The following KDF1 variants were observed in gnomAD, a reference collection of about 807,000 sequenced individuals.
KDF1 encodes the protein RP11-344H11.3.
A neutral mutation model predicts 31.6 loss-of-function variants in KDF1; 11 were observed. That is an observed-to-expected ratio of 0.35 (90% CI 0.22 to 0.58). KDF1 has a LOEUF of 0.58. KDF1 is among the 20% of genes least tolerant of loss of function. The pLI is 0.83. For synonymous variants in KDF1, 205 were observed against 214.4 expected, an observed-to-expected ratio of 0.96 and a Z score of 0.38; for missense variants, 476 against 549.1, an observed-to-expected ratio of 0.87 and a Z score of 1.33.
rs1342915212 is a variant in KDF1, at chr1:26,951,012, A to G, written c.1040-256T>C. Among the ~76,000 whole-genome samples, 1 of 152,216 alleles carries G rather than the reference A, an allele frequency of 6.6e-6. No homozygotes were observed. Among genetic ancestry groups the G allele is most frequent in the Non-Finnish European group, 1.5e-5 (1 of 68,038 alleles). ...AGGTCCTGTTCACCAGACCAGGCCT[A>G]GAAGCTACTCTGGCAGGAGACAGCA... On this transcript the variant is annotated intron_variant, in intron 2 of 3. Transcript: ENST00000320567. The surrounding 1 kb of genome is among the most constrained non-coding windows in gnomAD (Gnocchi z 5.4).
In KDF1 at chr1:26,951,926, T is replaced by A. The variant is rs564540710; in HGVS notation, c.455A>T (p.Lys152Met). The A allele has an allele frequency of 6.2e-7, 1 of 1,605,270 alleles. No individual in the cohort carries two copies. The highest frequency in any genetic ancestry group is 1.7e-5 in the Admixed American group (1 of 59,640). ...GCTGAAGCTGCTGCCCATGGTTGAC[T>A]TGAGCCGCTGGCCATCCCGCCGGCT... is the stretch of plus-strand genomic sequence containing the variant. ...PPSRRDGQRL[K>M]STMGSSFSYP... The change falls in exon 2 of 4, where the codon AAG (lysine) becomes ATG (methionine). Residue 152 changes from lysine (K) to methionine (M), a missense_variant. Physicochemically the swap from Lys to Met is moderately conservative, Grantham distance 95. Transcript: ENST00000320567. The surrounding 1 kb of genome is among the most constrained non-coding windows in gnomAD (Gnocchi z 5.4).
intron 1 of KDF1, among the ~76,000 whole-genome samples, chr1:26,955,239 C>G (rs2082372693): frequency 6.6e-6 from 1 of 152,136 alleles, no homozygotes; most frequent in Non-Finnish European, 1.5e-5. Flanking sequence ...CCAGTTTCTT[C>G]CTGCTGTTGG....
Position 26,952,046 on chromosome 1 carries a change from C to A in KDF1, c.335G>T (p.Cys112Phe), listed in dbSNP as rs1418453799. The change falls in exon 2 of 4, where the codon TGC becomes TTC. Residue 112 changes from cysteine (C) to phenylalanine (F), a missense_variant. Physicochemically the swap from Cys to Phe is radical, Grantham distance 205 (BLOSUM62 -2). This residue lies in a region of KDF1 where 330 missense variants were observed against 332.3 expected (regional missense o/e 0.99). Transcript: ENST00000320567. This position sits in a 1 kb window ranked among gnomAD's most constrained non-coding sequence, Gnocchi z 4.1. ...CTCAGTGGAGTCCTCAGTAGACAGG[C>A]AGGGGCTGCATCCCCGCACACAGGC... is the stretch of plus-strand genomic sequence containing the variant. ...CGACVRGCSP[C>F]LSTEDSTEGT... 6.2e-7 allele frequency: 1 copy of A among 1,613,444 alleles called. No homozygotes were observed. The highest frequency in any genetic ancestry group is 8.5e-7 in the Non-Finnish European group (1 of 1,179,898).
rs1044273118 is a variant in KDF1 at position 26,960,043 on chromosome 1, C to T, written c.-33+307G>A. Among the ~76,000 whole-genome samples, 4 of 152,192 alleles carry T rather than the reference C, an allele frequency of 2.6e-5. No individual in the cohort carries two copies. The highest frequency in any genetic ancestry group is 4.8e-5 in the African/African-American group (2 of 41,452). The stretch of plus-strand genomic sequence containing the variant: ...CGGGCGGACCCAGCCTCCCTCCCGT[C>T]CCGACGCTGTTCCTCGGGGTGAGCA... On this transcript the variant is annotated intron_variant, in intron 1 of 3. Coordinates refer to ENST00000320567, the MANE Select transcript of KDF1 (RefSeq NM_152365.3). The surrounding 1 kb of genome is among the most constrained non-coding windows in gnomAD (Gnocchi z 4.9).
chr1:26,958,422 C>T (rs79598313), intron 1 of KDF1, among the ~76,000 whole-genome samples: 2,465 of 152,214 alleles, frequency 0.016, 31 homozygotes, highest in Non-Finnish European at 0.024. Context: ...CGTGAGCCAC[C>T]GCGCCCGGCC....
At chr1:26,959,128 C>T (rs1325698573) in intron 1 of KDF1, among the ~76,000 whole-genome samples, 1 of 152,206 alleles carries the variant, frequency 6.6e-6, no homozygotes, top group Non-Finnish European at 1.5e-5. Flanking sequence ...CAAGAGAGGG[C>T]TGGAGTAAGA....
Position 26,950,673 on chromosome 1 carries a change from A to G in KDF1, c.1114+9T>C, listed in dbSNP as rs770991830. 1.1e-5 allele frequency: 17 copies of G among 1,613,690 alleles called. 1 individual carries two copies. In the South Asian group the frequency reaches 1.9e-4, roughly 18 times the overall value. Reference sequence around the variant, plus strand: ...ACCCTCCACACCCCTCATTAGGTCAAGACCACACCTGGAGCTCCATAAGGC... The same window carrying G: ...ACCCTCCACACCCCTCATTAGGTCAGGACCACACCTGGAGCTCCATAAGGC... On this transcript the variant is annotated intron_variant, in intron 3 of 3. Coordinates refer to ENST00000320567, the MANE Select transcript of KDF1 (RefSeq NM_152365.3). This position sits in a 1 kb window ranked among gnomAD's most constrained non-coding sequence, Gnocchi z 4.0.
rs2082355761 is a variant in KDF1, at chr1:26,952,284, G to T, written c.97C>A (p.Pro33Thr). ...CGGCGGCTTGGTGGGGGCTGAGGTG[G>T]TTTATCATATGTCTCCAGACATAGC... ...TELCLETYDK[P>T]PQPPPSRRTR... Residue 33 changes from proline (P) to threonine (T), a missense_variant, in exon 2 of 4, where the codon CCA (proline) becomes ACA (threonine). By Grantham distance (38) the Pro-to-Thr change is conservative. Transcript: ENST00000320567. The surrounding 1 kb of genome is among the most constrained non-coding windows in gnomAD (Gnocchi z 4.1). 1 of 1,561,958 alleles carries T rather than the reference G, an allele frequency of 6.4e-7. No individual in the cohort carries two copies. Among genetic ancestry groups the T allele is most frequent in the African/African-American group, 1.4e-5 (1 of 73,538 alleles).
chr1:26,959,603 G>A lies in KDF1; in HGVS notation c.-33+747C>T, dbSNP rs150733965. Among the ~76,000 whole-genome samples, 420 of 152,156 alleles carry A rather than the reference G, an allele frequency of 2.8e-3. 1 individual carries two copies. The highest frequency in any genetic ancestry group is 9.8e-3 in the African/African-American group (405 of 41,514). On this transcript the variant is annotated intron_variant, in intron 1 of 3. Coordinates refer to ENST00000320567, the MANE Select transcript of KDF1 (RefSeq NM_152365.3). ...TCTAAGGCACCGCAAGGATGTTCCC[G>A]GGGGTCAGAGGGTCCCGGCCCGCCC...
At chr1:26,958,130 C>CTTTTT (rs537884216) in intron 1 of KDF1, among the ~76,000 whole-genome samples, 1 of 119,736 alleles carries the variant, frequency 8.4e-6, no homozygotes, top group African/African-American at 3.1e-5. Context: ...GTTCTAAATT[C>CTTTTT]TTTTTTTTTT....
At position 26,952,409 on chromosome 1, in the gene KDF1, G is replaced by A. The variant is rs1557686792; in HGVS notation, c.-29C>T. 5 of 1,491,218 alleles carry A rather than the reference G, an allele frequency of 3.4e-6. No homozygotes were observed. The East Asian group carries it at 6.9e-5, about 20-fold the overall frequency. The allele number at this position is 1,491,218 out of a possible 1,614,324, so 92.4% of individuals were successfully genotyped here. On this transcript the variant is annotated 5_prime_UTR_variant, in exon 2 of 4. Coordinates refer to ENST00000320567, the MANE Select transcript of KDF1 (RefSeq NM_152365.3). The surrounding 1 kb of genome is among the most constrained non-coding windows in gnomAD (Gnocchi z 4.1). Reference sequence around the variant, plus strand: ...TCATTGCATGGTTTGTAGCAGCCAGGCACCTGCGTGGGGAGAGGCCAGGAA... The same window carrying A: ...TCATTGCATGGTTTGTAGCAGCCAGACACCTGCGTGGGGAGAGGCCAGGAA...
At position 26,951,382 on chromosome 1, in the gene KDF1, A is replaced by G; in HGVS notation, c.999T>C (p.Ser333=). 1 of 1,602,806 alleles carries G rather than the reference A, an allele frequency of 6.2e-7. No homozygotes were observed. Among genetic ancestry groups the G allele is most frequent in the Non-Finnish European group, 8.5e-7 (1 of 1,172,912 alleles). The change falls in exon 2 of 4, where the codon AGT becomes AGC. Residue 333 remains serine (S), a synonymous_variant. Coordinates refer to ENST00000320567, the MANE Select transcript of KDF1 (RefSeq NM_152365.3). The surrounding 1 kb of genome is among the most constrained non-coding windows in gnomAD (Gnocchi z 5.4). The part of the protein sequence containing the change: ...AAAPTAAAPD[S]GHETMVGSGL... ...CTGAGCCCACCATGGTCTCATGGCC[A>G]CTGTCAGGGGCAGCAGCGGTTGGGG...
At chr1:26,959,485 C>T (rs2082391278) in intron 1 of KDF1, among the ~76,000 whole-genome samples, 1 of 152,104 alleles carries the variant, frequency 6.6e-6, no homozygotes, top group African/African-American at 2.4e-5. Context: ...TATCTTCATG[C>T]CCCGCCAATC....
At position 26,952,263 on chromosome 1, in the gene KDF1, G is replaced by T. The variant is rs759227084; in HGVS notation, c.118C>A (p.Arg40Ser). Reference protein sequence around the residue: ...YDKPPQPPPSRRTRRPDPKDP... With the variant: ...YDKPPQPPPSSRTRRPDPKDP... ...TTGGGGTCTGGTCTACGGGTGCGGC[G>T]GCTTGGTGGGGGCTGAGGTGGTTTA... The change falls in exon 2 of 4, where the codon CGC becomes AGC. Residue 40 changes from arginine to serine, a missense_variant. Around this residue, in one of 2 missense-constraint regions of KDF1, gnomAD observed 330 missense variants for 332.3 expected, o/e 0.99. Transcript: ENST00000320567. The surrounding 1 kb of genome is among the most constrained non-coding windows in gnomAD (Gnocchi z 4.1). 8 of 1,582,594 alleles carry T rather than the reference G, an allele frequency of 5.1e-6. No individual in the cohort carries two copies. In the East Asian group the frequency reaches 1.8e-4, roughly 36 times the overall value.
At chr1:26,957,878 G>A (rs757103479) in intron 1 of KDF1, among the ~76,000 whole-genome samples, 4 of 152,000 alleles carry the variant, frequency 2.6e-5, no homozygotes, top group Non-Finnish European at 4.4e-5. Flanking sequence ...TGCATGGCAC[G>A]ATCTTGGCTC....
rs374676574 is a variant in KDF1 at position 26,951,759 on chromosome 1, T to C, written c.622A>G (p.Ser208Gly). 6 of 1,613,974 alleles carry C rather than the reference T, an allele frequency of 3.7e-6. No homozygotes were observed. Among genetic ancestry groups the C allele is most frequent in the Non-Finnish European group, 4.2e-6 (5 of 1,180,028 alleles). ...MRHSLPSTFA[S>G]SPRGSEEYYS... is the part of the protein sequence containing the mutation. ...TACTCCTCGGAGCCACGAGGACTAC[T>C]GGCAAAGGTGCTGGGCAGGCTGTGT... Residue 208 changes from serine to glycine, a missense_variant, in exon 2 of 4, where the codon AGT (serine) becomes GGT (glycine). By Grantham distance (56) the Ser-to-Gly change is moderately conservative (BLOSUM62 0). Coordinates refer to ENST00000320567, the MANE Select transcript of KDF1 (RefSeq NM_152365.3). This position sits in a 1 kb window ranked among gnomAD's most constrained non-coding sequence, Gnocchi z 5.4.
rs2082346699 is a variant in KDF1, at chr1:26,951,268, A to C, written c.1039+74T>G. 1.5e-6 allele frequency: 2 copies of C among 1,377,728 alleles called. No individual in the cohort carries two copies. Among genetic ancestry groups the C allele is most frequent in the South Asian group, 1.5e-5 (1 of 66,840 alleles). The allele number at this position is 1,377,728 out of a possible 1,614,324, so 85.3% of individuals were successfully genotyped here. On this transcript the variant is annotated intron_variant, in intron 2 of 3. Transcript: ENST00000320567. The surrounding 1 kb of genome is among the most constrained non-coding windows in gnomAD (Gnocchi z 5.4). ...TGAGGGGTAGACCCACAGTGACTAA[A>C]GACCCCATTCCAACCCTCCCCTGGC...
intron 1 of KDF1, among the ~76,000 whole-genome samples, chr1:26,958,230 C>T (rs964257739): frequency 2.0e-5 from 3 of 150,980 alleles, no homozygotes; most frequent in South Asian, 2.1e-4. Flanking sequence ...CTCTGCCTCC[C>T]GGGTGCAAGC....
rs2082357249 is a variant in KDF1 at position 26,952,470 on chromosome 1, G to C, written c.-32-58C>G. ...TCAGAGGTGAGGGACAAACTCCTGG[G>C]CTGACTTGAGCAGCTTCACATTTCT... On this transcript the variant is annotated intron_variant, in intron 1 of 3. Transcript: ENST00000320567. The surrounding 1 kb of genome is among the most constrained non-coding windows in gnomAD (Gnocchi z 4.1). The C allele has an allele frequency of 8.2e-7, 1 of 1,219,192 alleles. No homozygotes were observed. The highest frequency in any genetic ancestry group is 1.5e-5 in the African/African-American group (1 of 65,446). 75.5% of individuals were successfully genotyped at this position (1,219,192 alleles called of 1,614,324 possible). A position where few individuals can be genotyped will look rare whatever the true frequency, so the allele number is the denominator to read the frequency against.
Sources: allele counts gnomAD v4.1 joint callset (sites outside exome capture counted in the v4.1 genomes callset), GRCh38; gene constraint gnomAD v4.1.1; regional missense constraint gnomAD v4.1.1; non-coding constraint Gnocchi (gnomAD v3.1); transcripts MANE v1.5; gene names NCBI Gene and HGNC (gene_info 2026-07-23, HGNC 2026-07-21).